The following WDR33 variants were observed in gnomAD, a reference collection of about 807,000 sequenced individuals.
The protein encoded by WDR33 is WD repeat domain 33, also known as pre-mRNA 3' end processing protein WDR33.
In WDR33, 47 loss-of-function variants were observed where a neutral mutation model predicts 164.9. The observed-to-expected ratio is 0.29, with a 90% CI of 0.23 to 0.36. WDR33 has a LOEUF of 0.36. Among genes scored for constraint, WDR33 ranks in the 10% least tolerant of loss-of-function variants. WDR33 has a pLI of 1.00. For synonymous variants in WDR33, 505 were observed against 589.0 expected (o/e 0.86, Z 2.06); for missense variants, 1,137 against 1,754.1 (o/e 0.65, Z 6.28).
chr2:127,743,380 A>G (rs753539943), intron 7 of WDR33, among the ~76,000 whole-genome samples: 14 of 152,202 alleles, frequency 9.2e-5, no homozygotes, highest in Non-Finnish European at 1.9e-4. Context: ...CAAAAGCAGC[A>G]TACTTGATCT....
intron 1 of WDR33, among the ~76,000 whole-genome samples, chr2:127,792,627 T>C (rs1383267042): frequency 4.4e-5 from 6 of 136,182 alleles, no homozygotes; most frequent in East Asian, 2.0e-4. Flanking sequence ...TGAGCCAAGA[T>C]TGTGCCACTG....
At position 127,735,478 on chromosome 2, in the gene WDR33, A is replaced by T. The variant is rs1686815700; in HGVS notation, c.725-8701T>A. On this transcript the variant is annotated intron_variant, in intron 7 of 21. Coordinates refer to ENST00000322313, the MANE Select transcript of WDR33 (RefSeq NM_018383.5). This position sits in a 1 kb window ranked among gnomAD's most constrained non-coding sequence, Gnocchi z 4.3. ...TCAGACCATTTTATGAACAAATCTT[A>T]AAAAAAATTCTTTTATACAAAACTT... 2 of 983,724 alleles carry T rather than the reference A, an allele frequency of 2.0e-6. No individual in the cohort carries two copies. The highest frequency in any genetic ancestry group is 1.1e-4 in the East Asian group (1 of 8,812). The allele number at this position is 983,724 out of a possible 1,614,324, so 60.9% of individuals were successfully genotyped here.
rs1201285775 is a variant in WDR33, at chr2:127,704,497, CTCTT to C, written c.*1822_*1825del. 6.0e-6 allele frequency: 1 copy of C among 166,972 alleles called. No individual in the cohort carries two copies. The highest frequency in any genetic ancestry group is 1.5e-5 in the Non-Finnish European group (1 of 68,120). 10.3% of individuals were successfully genotyped at this position (166,972 alleles called of 1,614,324 possible). A position where few individuals can be genotyped will look rare whatever the true frequency, so the allele number is the denominator to read the frequency against. ...CATGAAATTTGATTACAGTTTCTCT[CTCTT>C]TAAGCTATACCAGTTGGGGGTGAGT... On this transcript the variant is annotated 3_prime_UTR_variant, in exon 22 of 22. Transcript: ENST00000322313.
chr2:127,782,979 A>G (rs1162912937), intron 1 of WDR33, among the ~76,000 whole-genome samples: 5 of 152,230 alleles, frequency 3.3e-5, no homozygotes, highest in African/African-American at 1.2e-4. Flanking sequence ...ACTGCACACC[A>G]GCCTGGGCAA....
intron 18 of WDR33, among the ~76,000 whole-genome samples, chr2:127,711,776 A>ATTTTTTT (rs1284723078): frequency 9.6e-5 from 9 of 94,090 alleles, no homozygotes; most frequent in African/African-American, 4.0e-4. Flanking sequence ...ATATATATAT[A>ATTTTTTT]TATATTTTTT....
rs573977799 is a variant in WDR33 at position 127,757,125 on chromosome 2, G to A, written c.724+5937C>T. ...ATCTTCACATACAAAAGAGTGCCTGGGAGTGGCTCTTGACTCTTAATTAAG... is the reference window on the plus strand; with the variant it reads ...ATCTTCACATACAAAAGAGTGCCTGAGAGTGGCTCTTGACTCTTAATTAAG... On this transcript the variant is annotated intron_variant, in intron 7 of 21. Transcript: ENST00000322313. Among the ~76,000 whole-genome samples, 24 of 151,526 alleles carry A rather than the reference G, an allele frequency of 1.6e-4. No homozygotes were observed. The South Asian group carries it at 4.8e-3, about 30-fold the overall frequency.
chr2:127,797,230 G>C (rs992476579), intron 1 of WDR33, among the ~76,000 whole-genome samples: 67 of 150,456 alleles, frequency 4.5e-4, no homozygotes, highest in African/African-American at 1.6e-3. Context: ...GCAGTGGCTC[G>C]TGTCTGTAAT....
chr2:127,798,366 GCAAAAAAA>G (rs1297916545), intron 1 of WDR33, among the ~76,000 whole-genome samples: 2 of 25,616 alleles, frequency 7.8e-5, no homozygotes, highest in Non-Finnish European at 1.2e-4. Context: ...AGACACCGTC[GCAAAAAAA>G]AAAAAAAAAA....
In WDR33 at chr2:127,719,642, C is replaced by G. The variant is rs1242192768; in HGVS notation, c.2383G>C (p.Gly795Arg). ...ATAATCATCCCTTGGGGAGCAGGAC[C>G]CTGGTTCTCCCGGGGGCCTGGAGGC... ...QGPPGPRENQ[G>R]PAPQGMIMGH... The change falls in exon 16 of 22, where the codon GGT (glycine) becomes CGT (arginine). Residue 795 changes from glycine (G) to arginine (R), a missense_variant. Physicochemically the swap from Gly to Arg is moderately radical, Grantham distance 125 (BLOSUM62 -2). This residue lies in a region of WDR33 where 867 missense variants were observed against 1,073.0 expected (regional missense o/e 0.81). Coordinates refer to ENST00000322313, the MANE Select transcript of WDR33 (RefSeq NM_018383.5). This position sits in a 1 kb window ranked among gnomAD's most constrained non-coding sequence, Gnocchi z 6.5. 9 of 1,613,658 alleles carry G rather than the reference C, an allele frequency of 5.6e-6. No individual in the cohort carries two copies. Among genetic ancestry groups the G allele is most frequent in the Non-Finnish European group, 7.6e-6 (9 of 1,179,932 alleles).
rs1686905901 is a variant in WDR33, at chr2:127,738,067, G to A, written c.725-11290C>T. On this transcript the variant is annotated intron_variant, in intron 7 of 21. Coordinates refer to ENST00000322313, the MANE Select transcript of WDR33 (RefSeq NM_018383.5). The surrounding 1 kb of genome is among the most constrained non-coding windows in gnomAD (Gnocchi z 4.4). Reference sequence around the variant, plus strand: ...TGAAAACATGTATCTATCAAAACAAGAAGGGTGCATGAACTCTTAAATACT... The same window carrying A: ...TGAAAACATGTATCTATCAAAACAAAAAGGGTGCATGAACTCTTAAATACT... 6.2e-7 allele frequency: 1 copy of A among 1,612,456 alleles called. No homozygotes were observed. Among genetic ancestry groups the A allele is most frequent in the Non-Finnish European group, 8.5e-7 (1 of 1,179,298 alleles).
chr2:127,713,745 C>T lies in WDR33; in HGVS notation c.3146G>A (p.Gly1049Asp). The T allele has an allele frequency of 6.8e-6, 11 of 1,614,212 alleles. No individual in the cohort carries two copies. Among genetic ancestry groups the T allele is most frequent in the Non-Finnish European group, 8.5e-6 (10 of 1,180,010 alleles). ...ATCAGGGGGAAACGGAGGCCCAGGGCCCCCTCGCCTCCACTTCTCTTCTTG... is the reference window on the plus strand; with the variant it reads ...ATCAGGGGGAAACGGAGGCCCAGGGTCCCCTCGCCTCCACTTCTCTTCTTG... ...LPQEEKWRRG[G>D]PGPPFPPDHR... The change falls in exon 18 of 22, where the codon GGC (glycine) becomes GAC (aspartate). Residue 1049 changes from glycine (G) to aspartate (D), a missense_variant. Gly to Asp is a moderately conservative substitution (Grantham distance 94). Around this residue, in one of 9 missense-constraint regions of WDR33, gnomAD observed 867 missense variants for 1,073.0 expected, o/e 0.81. Transcript: ENST00000322313. This position sits in a 1 kb window ranked among gnomAD's most constrained non-coding sequence, Gnocchi z 6.2.
chr2:127,715,273 C>T (rs1686273333), intron 17 of WDR33, among the ~76,000 whole-genome samples: 1 of 151,772 alleles, frequency 6.6e-6, no homozygotes, highest in Non-Finnish European at 1.5e-5. Flanking sequence ...TCAGTAGAGA[C>T]GGGGTTTCAC....
intron 1 of WDR33, among the ~76,000 whole-genome samples, chr2:127,774,310 C>T (rs1002857173): frequency 8.6e-5 from 13 of 152,042 alleles, no homozygotes; most frequent in Middle Eastern, 3.4e-3. Context: ...CCTCAGTTTC[C>T]CAAAGTGCTG....
rs184208687 is a variant in WDR33 at position 127,703,125 on chromosome 2, A to G, written c.*3198T>C. ...CAGAAGGTATGAGCCTAACATTCTG[A>G]TGAGTCCAGAAAACTACGTTTTGTC... On this transcript the variant is annotated 3_prime_UTR_variant, in exon 22 of 22. Coordinates refer to ENST00000322313, the MANE Select transcript of WDR33 (RefSeq NM_018383.5). The G allele has an allele frequency of 2.5e-4, 42 of 167,152 alleles. No homozygotes were observed. Among genetic ancestry groups the G allele is most frequent in the African/African-American group, 9.6e-4 (40 of 41,580 alleles). 10.4% of individuals were successfully genotyped at this position (167,152 alleles called of 1,614,324 possible). A position where few individuals can be genotyped will look rare whatever the true frequency, so the allele number is the denominator to read the frequency against.
intron 7 of WDR33, among the ~76,000 whole-genome samples, chr2:127,750,709 T>TATGTATGTATGCATAC (rs1687322276): frequency 9.0e-5 from 5 of 55,836 alleles, no homozygotes; most frequent in Non-Finnish European, 9.3e-5. Flanking sequence ...TATATATATA[T>TATGTATGTATGCATAC]ATATGTATGT....
In WDR33 at chr2:127,722,592, T is replaced by C. The variant is rs1686467343; in HGVS notation, c.1517A>G (p.Gln506Arg). The change falls in exon 14 of 22, where the codon CAG becomes CGG. Residue 506 changes from glutamine (Q) to arginine (R), a missense_variant and splice_region_variant. By Grantham distance (43) the Gln-to-Arg change is conservative. Transcript: ENST00000322313. The surrounding 1 kb of genome is among the most constrained non-coding windows in gnomAD (Gnocchi z 5.1). ...TGAGGTGGAGTCACTTTTACTTACC[T>C]GCTGGAACTGAGCAGGAATGGGTTT... The part of the protein sequence containing the change: ...YAKPIPAQFQ[Q>R]AWMQNKVPIP... 1 of 1,613,110 alleles carries C rather than the reference T, an allele frequency of 6.2e-7. No individual in the cohort carries two copies. Among genetic ancestry groups the C allele is most frequent in the African/African-American group, 1.3e-5 (1 of 74,882 alleles).
At chr2:127,795,230 A>C (rs2104665810) in intron 1 of WDR33, among the ~76,000 whole-genome samples, 1 of 150,968 alleles carries the variant, frequency 6.6e-6, no homozygotes, top group African/African-American at 2.4e-5. Flanking sequence ...CCTCCTGAGT[A>C]GCTGAGACTA....
intron 1 of WDR33, among the ~76,000 whole-genome samples, chr2:127,779,430 C>T (rs1459895597): frequency 6.6e-6 from 1 of 151,962 alleles, no homozygotes; most frequent in Non-Finnish European, 1.5e-5. Flanking sequence ...CACGACACTG[C>T]ACTCTAGCCT....
chr2:127,713,612 G>A lies in WDR33; in HGVS notation c.3279C>T (p.Asp1093=). ...GDERFPRDPE[D]PRFRGRREES... ...CTTCTCTGCGCCCTCGAAAACGTGG[G>A]TCCTCGGGATCCCGGGGGAAACGTT... Residue 1093 remains aspartate (D), a synonymous_variant, in exon 18 of 22, where the codon GAC becomes GAT. Transcript: ENST00000322313. The surrounding 1 kb of genome is among the most constrained non-coding windows in gnomAD (Gnocchi z 6.2). 6.2e-7 allele frequency: 1 copy of A among 1,614,250 alleles called. No individual in the cohort carries two copies. Among genetic ancestry groups the A allele is most frequent in the South Asian group, 1.1e-5 (1 of 91,088 alleles).
Sources: gnomAD v4.1 joint callset for allele counts (sites outside exome capture counted in the v4.1 genomes callset) on GRCh38, gnomAD v4.1.1 for gene constraint, gnomAD v4.1.1 regional missense constraint, Gnocchi (gnomAD v3.1) non-coding constraint, MANE v1.5 for transcripts, NCBI Gene and HGNC (gene_info 2026-07-23, HGNC 2026-07-21) for gene names.